Variants in XXYLT1 observed in about 807,000 individuals in gnomAD.
XXYLT1 encodes the protein xyloside xylosyltransferase 1.
A neutral mutation model predicts 28.9 loss-of-function variants in XXYLT1; 20 were observed. The ratio of observed to expected loss-of-function variants is 0.69; its 90% CI spans 0.49 to 1.00. The LOEUF is 1.00. Ranked by LOEUF, XXYLT1 falls within the 50% of genes least tolerant of loss-of-function variation. The pLI is 0.00. For missense variants in XXYLT1, 542 were observed against 560.1 expected, an observed-to-expected ratio of 0.97 and a Z score of 0.33; for synonymous variants, 257 against 253.8, an observed-to-expected ratio of 1.01 and a Z score of -0.12.
intron 2 of XXYLT1, among the ~76,000 whole-genome samples, chr3:195,214,235 G>A (rs1560156121): frequency 6.6e-6 from 1 of 152,158 alleles, no homozygotes; most frequent in Non-Finnish European, 1.5e-5. Context: ...ATTCCAGAAA[G>A]AAGGAAAGCC....
intron 2 of XXYLT1, among the ~76,000 whole-genome samples, chr3:195,207,956 CAG>C (rs1560152446): frequency 6.6e-6 from 1 of 152,118 alleles, no homozygotes; most frequent in African/African-American, 2.4e-5. Flanking sequence ...AGGCAAGGCT[CAG>C]AGAGAGAGAC....
intron 3 of XXYLT1, among the ~76,000 whole-genome samples, chr3:195,089,191 C>T (rs1289517624): frequency 1.3e-5 from 2 of 151,640 alleles, no homozygotes; most frequent in Non-Finnish European, 2.9e-5. Flanking sequence ...CAAAGATACT[C>T]CTCGAGAAGA....
chr3:195,147,502 G>A (rs1330981010), intron 3 of XXYLT1, among the ~76,000 whole-genome samples: 1 of 152,048 alleles, frequency 6.6e-6, no homozygotes, highest in Non-Finnish European at 1.5e-5. Flanking sequence ...CCCGGGAGGC[G>A]GAGGTTGCAG....
chr3:195,100,110 T>G (rs1423469515), intron 3 of XXYLT1, among the ~76,000 whole-genome samples: 1 of 152,156 alleles, frequency 6.6e-6, no homozygotes, highest in Non-Finnish European at 1.5e-5. Context: ...CATAAAGCTG[T>G]CTGAGATCCT....
In XXYLT1 at chr3:195,069,093, C is replaced by T. The variant is rs1350809325; in HGVS notation, c.*622G>A. ...TAATAATGAGATAAGTTTTCTTATG[C>T]AGGCCCCAGTTGGTCCTGAAGTCCT... On this transcript the variant is annotated 3_prime_UTR_variant, in exon 4 of 4. Coordinates refer to ENST00000310380, the MANE Select transcript of XXYLT1 (RefSeq NM_152531.5). 6.6e-6 allele frequency: 1 copy of T among 152,306 alleles called. No homozygotes were observed. The highest frequency in any genetic ancestry group is 1.9e-4 in the East Asian group (1 of 5,188). The allele number at this position is 152,306 out of a possible 1,614,324, so 9.4% of individuals were successfully genotyped here.
In XXYLT1 at chr3:195,078,742, C is replaced by T. The variant is rs958703600; in HGVS notation, c.786-8631G>A. On this transcript the variant is annotated intron_variant, in intron 3 of 3. Coordinates refer to ENST00000310380, the MANE Select transcript of XXYLT1 (RefSeq NM_152531.5). The surrounding 1 kb of genome is among the most constrained non-coding windows in gnomAD (Gnocchi z 5.0). Reference sequence around the variant, plus strand: ...CCAGTCCCCAGGGCTGCACACAGCCCCCCACACTTCCAGAGCTGTCCTCCC... The same window carrying T: ...CCAGTCCCCAGGGCTGCACACAGCCTCCCACACTTCCAGAGCTGTCCTCCC... Among the ~76,000 whole-genome samples, 1 of 152,148 alleles carries T rather than the reference C, an allele frequency of 6.6e-6. No individual in the cohort carries two copies. The highest frequency in any genetic ancestry group is 6.5e-5 in the Admixed American group (1 of 15,274).
Position 195,201,969 on chromosome 3 carries a change from A to G in XXYLT1, c.652+24740T>C, listed in dbSNP as rs186857693. On this transcript the variant is annotated intron_variant, in intron 2 of 3. Transcript: ENST00000310380. ...CAAGGTGGGCGGATCATGAGGTCAG[A>G]AGTTCAAGACCAGCCTGACCAACAT... Among the ~76,000 whole-genome samples the G allele has an allele frequency of 7.3e-3, 1,109 of 152,184 alleles. 5 individuals carry two copies. The highest frequency in any genetic ancestry group is 0.014 in the Middle Eastern group (4 of 294).
intron 3 of XXYLT1, among the ~76,000 whole-genome samples, chr3:195,086,856 G>C (rs112227769): frequency 1.8e-4 from 28 of 152,264 alleles, no homozygotes; most frequent in African/African-American, 6.3e-4. Flanking sequence ...TCCGGGTCCT[G>C]GCTTCTGTCT....
At chr3:195,144,397 GAC>G (rs1165586335) in intron 3 of XXYLT1, among the ~76,000 whole-genome samples, 2 of 151,460 alleles carry the variant, frequency 1.3e-5, no homozygotes, top group Non-Finnish European at 2.9e-5. Flanking sequence ...TTTTTTTTGA[GAC>G]ACAGTCTTGC....
In XXYLT1 at chr3:195,168,128, C is replaced by T. The variant is rs1186335130; in HGVS notation, c.653-11547G>A. Among the ~76,000 whole-genome samples, 1 of 152,190 alleles carries T rather than the reference C, an allele frequency of 6.6e-6. No individual in the cohort carries two copies. Reference sequence around the variant, plus strand: ...CTGGGATAGAGCCGTGGCTCACCGGCCTGGCTATGGCACTGCGTCCAACCA... The same window carrying T: ...CTGGGATAGAGCCGTGGCTCACCGGTCTGGCTATGGCACTGCGTCCAACCA... On this transcript the variant is annotated intron_variant, in intron 2 of 3. Coordinates refer to ENST00000310380, the MANE Select transcript of XXYLT1 (RefSeq NM_152531.5). This position sits in a 1 kb window ranked among gnomAD's most constrained non-coding sequence, Gnocchi z 4.3.
rs558824852 is a variant in XXYLT1 at position 195,241,142 on chromosome 3, G to A, written c.505-14286C>T. Among the ~76,000 whole-genome samples, 99 of 152,268 alleles carry A rather than the reference G, an allele frequency of 6.5e-4. No individual in the cohort carries two copies. The Middle Eastern group carries it at 0.014, about 21-fold the overall frequency. On this transcript the variant is annotated intron_variant, in intron 1 of 3. Coordinates refer to ENST00000310380, the MANE Select transcript of XXYLT1 (RefSeq NM_152531.5). ...GAAGCAGGGCGGGTCTTTCAGGACC[G>A]ACACCTACTTGGCACATTCCCAAGG...
chr3:195,167,296 T>C (rs1041184176), intron 2 of XXYLT1, among the ~76,000 whole-genome samples: 2 of 152,178 alleles, frequency 1.3e-5, no homozygotes, highest in African/African-American at 4.8e-5. Flanking sequence ...CTAAATAAAT[T>C]ATTACTATGT....
chr3:195,259,636 G>A, intron 1 of XXYLT1: 1 of 985,492 alleles, frequency 1.0e-6, no homozygotes, highest in Non-Finnish European at 1.2e-6. Flanking sequence ...AGGCCTGTAA[G>A]GTGGCATCCG....
At chr3:195,111,351 G>T (rs1366864909) in intron 3 of XXYLT1, among the ~76,000 whole-genome samples, 1 of 152,180 alleles carries the variant, frequency 6.6e-6, no homozygotes, top group African/African-American at 2.4e-5. Flanking sequence ...GTCACATTCT[G>T]AGGGAGTGGT....
intron 3 of XXYLT1, among the ~76,000 whole-genome samples, chr3:195,147,195 G>GA (rs1200552957): frequency 1.3e-5 from 2 of 152,116 alleles, no homozygotes; most frequent in African/African-American, 2.4e-5. Context: ...TATCTTCCTT[G>GA]AAAGCAAGAG....
intron 2 of XXYLT1, among the ~76,000 whole-genome samples, chr3:195,221,510 G>A (rs891722743): frequency 4.8e-4 from 73 of 152,336 alleles, no homozygotes; most frequent in African/African-American, 1.7e-3. Context: ...GTGCATGGGG[G>A]ATGACAGGAG....
intron 3 of XXYLT1, among the ~76,000 whole-genome samples, chr3:195,085,417 C>A (rs73056503): frequency 0.013 from 1,984 of 152,366 alleles, 21 homozygotes; most frequent in African/African-American, 0.029. Flanking sequence ...GCATCTCTGC[C>A]ACTCTCCCAT....
At chr3:195,196,442 C>T (rs969505237) in intron 2 of XXYLT1, among the ~76,000 whole-genome samples, 3 of 152,212 alleles carry the variant, frequency 2.0e-5, no homozygotes, top group Non-Finnish European at 4.4e-5. Context: ...GCCAACAACC[C>T]CGACATGTAC....
chr3:195,227,832 T>C (rs1724121324), intron 1 of XXYLT1, among the ~76,000 whole-genome samples: 1 of 152,216 alleles, frequency 6.6e-6, no homozygotes, highest in South Asian at 2.1e-4. Flanking sequence ...AACCCGCGAT[T>C]AGAGCAGACA....
Sources: gnomAD v4.1 joint callset for allele counts (sites outside exome capture counted in the v4.1 genomes callset) on GRCh38, gnomAD v4.1.1 for gene constraint, Gnocchi (gnomAD v3.1) non-coding constraint, MANE v1.5 for transcripts, NCBI Gene and HGNC (gene_info 2026-07-23, HGNC 2026-07-21) for gene names.